The following PRIM2 variants were observed in gnomAD, a reference collection of about 807,000 sequenced individuals.
PRIM2 encodes DNA primase subunit 2, also known as DNA primase large subunit.
PRIM2 carries 39 observed loss-of-function variants against 67.3 expected under a neutral mutation model. That is an observed-to-expected ratio of 0.58 (90% CI 0.45 to 0.76). The LOEUF is 0.76. PRIM2 is among the 30% of genes least tolerant of loss of function. The pLI, the probability that PRIM2 is intolerant of heterozygous loss-of-function variation, is 0.00. For synonymous variants in PRIM2, 143 were observed against 198.7 expected, an observed-to-expected ratio of 0.72 and a Z score of 2.36; for missense variants, 398 against 598.7, an observed-to-expected ratio of 0.66 and a Z score of 3.50.
intron 7 of PRIM2, among the ~76,000 whole-genome samples, chr6:57,393,735 C>G (rs1186311052): frequency 6.6e-6 from 1 of 151,808 alleles, no homozygotes; most frequent in African/African-American, 2.4e-5. Context: ...AAATCCTTGC[C>G]TAAGCCAGTG....
intron 10 of PRIM2, among the ~76,000 whole-genome samples, chr6:57,572,603 G>A (rs1775882836): frequency 6.6e-6 from 1 of 152,120 alleles, no homozygotes; most frequent in African/African-American, 2.4e-5. Flanking sequence ...GCATACCTGT[G>A]GAATTTATAG....
At chr6:57,293,847 T>C in the PRIM2 span, among the ~76,000 whole-genome samples, 2 of 137,854 alleles carry the variant, frequency 1.5e-5, no homozygotes, top group East Asian at 4.6e-4. Flanking sequence ...GGGGTGGGGG[T>C]CTGGGGGAGG....
At chr6:57,550,825 T>C (rs1185324129) in intron 10 of PRIM2, among the ~76,000 whole-genome samples, 3 of 151,998 alleles carry the variant, frequency 2.0e-5, no homozygotes, top group Non-Finnish European at 4.4e-5. Context: ...ATATCAAGAG[T>C]ATGTTTTAAT....
intron 11 of PRIM2, among the ~76,000 whole-genome samples, chr6:57,602,058 A>AG (rs2094903892): frequency 7.8e-6 from 1 of 128,848 alleles, no homozygotes; most frequent in Non-Finnish European, 1.6e-5. Context: ...ATATAAACAT[A>AG]GATTTTTTTT....
intron 10 of PRIM2, among the ~76,000 whole-genome samples, chr6:57,548,970 G>A (rs2127474265): frequency 2.0e-5 from 3 of 151,940 alleles, no homozygotes; most frequent in African/African-American, 7.2e-5. Context: ...TACAGTTTGA[G>A]TTCCTAGCAT....
intron 10 of PRIM2, among the ~76,000 whole-genome samples, chr6:57,557,666 G>A (rs1169909442): frequency 2.6e-5 from 4 of 151,190 alleles, no homozygotes; most frequent in East Asian, 3.9e-4. Flanking sequence ...ATAACTATTG[G>A]GTACTAAGCT....
intron 5 of PRIM2, among the ~76,000 whole-genome samples, chr6:57,342,524 C>T (rs1181415157): frequency 2.0e-5 from 3 of 152,194 alleles, no homozygotes; most frequent in African/African-American, 7.2e-5. Flanking sequence ...AGTCTGACAG[C>T]AGCTTCTAAT....
Position 57,360,534 on chromosome 6 carries a change from T to C in PRIM2, c.460-19367T>C, listed in dbSNP as rs1769162427. Among the ~76,000 whole-genome samples, 4 of 152,190 alleles carry C rather than the reference T, an allele frequency of 2.6e-5. No homozygotes were observed. In the South Asian group the frequency reaches 8.3e-4, roughly 32 times the overall value. On this transcript the variant is annotated intron_variant, in intron 5 of 13. Transcript: ENST00000615550. ...CCAGGAAAGCAGGACAGTTGAGGCC[T>C]AATAATACCCTTTTGTGTTGGCAGA...
At chr6:57,293,471 C>T in the PRIM2 span, among the ~76,000 whole-genome samples, 3 of 152,110 alleles carry the variant, frequency 2.0e-5, no homozygotes, top group Non-Finnish European at 2.9e-5. Context: ...TTTGACCCAG[C>T]CATCCCATTA....
At chr6:57,241,742 G>A in the PRIM2 span, among the ~76,000 whole-genome samples, 5 of 129,348 alleles carry the variant, frequency 3.9e-5, no homozygotes, top group Admixed American at 2.0e-4. Context: ...GCACGATCTC[G>A]GCTCACTGCA....
At chr6:57,281,076 C>A in the PRIM2 span, among the ~76,000 whole-genome samples, 3 of 152,262 alleles carry the variant, frequency 2.0e-5, no homozygotes, top group East Asian at 5.8e-4. Context: ...TGTTATTTCA[C>A]TTAACATCAT....
rs187944777 is a variant in PRIM2, at chr6:57,434,001, G to A, written c.693+51833G>A. ...GTGCAGTGGCGCAATCTCAGCTCAC[G>A]GCAACCTCTGCCTTCCAGGTTCAAG... On this transcript the variant is annotated intron_variant, in intron 7 of 13. Transcript: ENST00000615550. Among the ~76,000 whole-genome samples the A allele has an allele frequency of 5.4e-5, 8 of 148,530 alleles. No homozygotes were observed. In the East Asian group the frequency reaches 8.0e-4, roughly 15 times the overall value.
At chr6:57,540,967 G>A (rs1775136558) in intron 10 of PRIM2, among the ~76,000 whole-genome samples, 2 of 152,146 alleles carry the variant, frequency 1.3e-5, no homozygotes, top group Non-Finnish European at 1.5e-5. Context: ...CACAGTTCTC[G>A]GGTATTTTTC....
intron 10 of PRIM2, among the ~76,000 whole-genome samples, chr6:57,559,273 C>A (rs1480350150): frequency 1.3e-5 from 2 of 151,932 alleles, no homozygotes; most frequent in Non-Finnish European, 2.9e-5. Flanking sequence ...AAGTTGAATC[C>A]ATGGAAGTTA....
chr6:57,322,448 A>G (rs1767692067), intron 3 of PRIM2, among the ~76,000 whole-genome samples: 1 of 152,036 alleles, frequency 6.6e-6, no homozygotes. Flanking sequence ...GTGGGAGGTA[A>G]TTGAATCATG....
chr6:57,243,289 G>A, the PRIM2 span, among the ~76,000 whole-genome samples: 1 of 152,188 alleles, frequency 6.6e-6, no homozygotes, highest in Non-Finnish European at 1.5e-5. Flanking sequence ...GTGTGCTACT[G>A]ATGGTTGGTG....
At chr6:57,237,905 T>G in the PRIM2 span, among the ~76,000 whole-genome samples, 1 of 152,200 alleles carries the variant, frequency 6.6e-6, no homozygotes, top group Non-Finnish European at 1.5e-5. Context: ...GCAGGCTCTT[T>G]TTTCTTTCCA....
intron 7 of PRIM2, among the ~76,000 whole-genome samples, chr6:57,409,631 G>C (rs538569755): frequency 2.9e-4 from 44 of 152,286 alleles, no homozygotes; most frequent in Admixed American, 1.1e-3. Context: ...CTTGCCAAAA[G>C]TTGATATTGT....
chr6:57,491,308 A>G (rs1773884664), intron 7 of PRIM2, among the ~76,000 whole-genome samples: 1 of 152,250 alleles, frequency 6.6e-6, no homozygotes, highest in Non-Finnish European at 1.5e-5. Flanking sequence ...TATATAACGT[A>G]TAATTCAAAA....
Sources: gnomAD v4.1 joint callset for allele counts (sites outside exome capture counted in the v4.1 genomes callset) on GRCh38, gnomAD v4.1.1 for gene constraint, MANE v1.5 for transcripts, NCBI Gene and HGNC (gene_info 2026-07-23, HGNC 2026-07-21) for gene names.